ECD: variants seen among roughly 807,000 people sequenced by gnomAD.
ECD encodes the protein protein ecdysoneless homolog.
Under a neutral mutation model 77.2 loss-of-function variants are expected in ECD, and 59 were observed. The observed-to-expected ratio is 0.76, with a 90% CI of 0.62 to 0.95. The LOEUF is 0.95. Among genes scored for constraint, ECD ranks in the 40% least tolerant of loss-of-function variants. The pLI is 0.00. For synonymous variants in ECD, 233 were observed against 267.4 expected (o/e 0.87, Z 1.26); for missense variants, 704 against 763.4 (o/e 0.92, Z 0.92).
chr10:73,165,730 A>C (rs1280612011), intron 1 of ECD, among the ~76,000 whole-genome samples: 1 of 151,916 alleles, frequency 6.6e-6, no homozygotes, highest in East Asian at 1.9e-4. Context: ...GGTAAATGAG[A>C]TATCCATTGC....
In ECD at chr10:73,146,194, A is replaced by C. The variant is rs866618923; in HGVS notation, c.1127+82T>G. 70 of 674,434 alleles carry C rather than the reference A, an allele frequency of 1.0e-4. 2 individuals carry two copies. Among genetic ancestry groups the C allele is most frequent in the South Asian group, 9.4e-4 (21 of 22,402 alleles). The allele number at this position is 674,434 out of a possible 1,614,324, so 41.8% of individuals were successfully genotyped here. On this transcript the variant is annotated intron_variant, in intron 9 of 13. Coordinates refer to ENST00000372979, the MANE Select transcript of ECD (RefSeq NM_007265.3). ...CTCCGTCTCAAAAAAATAAATAAAT[A>C]AGAATAATAAATAATAAATAAAAAA...
intron 3 of ECD, among the ~76,000 whole-genome samples, chr10:73,160,147 G>A (rs1411633702): frequency 2.0e-5 from 3 of 151,442 alleles, no homozygotes; most frequent in Admixed American, 6.6e-5. Flanking sequence ...TTAGCCAGGC[G>A]TGGTGGTGCA....
At chr10:73,142,254 C>A (rs980385779) in intron 9 of ECD, among the ~76,000 whole-genome samples, 1 of 151,922 alleles carries the variant, frequency 6.6e-6, no homozygotes, top group Non-Finnish European at 1.5e-5. Context: ...GGTGATTCAC[C>A]CATCTCGGTC....
At chr10:73,153,273 T>C (rs1420999246) in intron 6 of ECD, among the ~76,000 whole-genome samples, 2 of 151,998 alleles carry the variant, frequency 1.3e-5, no homozygotes, top group Non-Finnish European at 2.9e-5. Context: ...TTTTTATTTT[T>C]TGTAGCGATG....
In ECD at chr10:73,148,276, C is replaced by T; in HGVS notation, c.1041G>A (p.Lys347=). Residue 347 remains lysine, a splice_region_variant and synonymous_variant, in exon 8 of 14, where the codon AAG becomes AAA. Coordinates refer to ENST00000372979, the MANE Select transcript of ECD (RefSeq NM_007265.3). ...LESLKKNDYF[K]GLIEGSAQYR... is the part of the protein sequence containing the mutation. Reference sequence around the variant, plus strand: ...AAAGCAAATATATTGCAAGTCCTACCTTAAAGTAATCATTCTTTTTCAGAC... The same window carrying T: ...AAAGCAAATATATTGCAAGTCCTACTTTAAAGTAATCATTCTTTTTCAGAC... 6.2e-7 allele frequency: 1 copy of T among 1,613,454 alleles called. No homozygotes were observed. Among genetic ancestry groups the T allele is most frequent in the Non-Finnish European group, 8.5e-7 (1 of 1,179,668 alleles).
At chr10:73,145,444 C>A (rs1049787299) in intron 9 of ECD, among the ~76,000 whole-genome samples, 7 of 151,686 alleles carry the variant, frequency 4.6e-5, no homozygotes, top group African/African-American at 1.2e-4. Context: ...TTTAAAAAAA[C>A]CACAAACTTT....
chr10:73,152,254 C>A (rs751615093), intron 7 of ECD, 39 bp downstream of exon 7: 2 of 1,600,998 alleles, frequency 1.2e-6, no homozygotes, highest in Admixed American at 3.4e-5. Context: ...AGTCCATTTA[C>A]ATAAAGAAAG....
intron 9 of ECD, among the ~76,000 whole-genome samples, chr10:73,141,738 A>G (rs191916054): frequency 6.6e-6 from 1 of 152,298 alleles, no homozygotes; most frequent in East Asian, 1.9e-4. Context: ...TCTCTCTCCT[A>G]GTAACGTTTA....
rs140377066 is a variant in ECD at position 73,144,283 on chromosome 10, T to A, written c.1127+1993A>T. 1.9e-3 allele frequency among the ~76,000 whole-genome samples: 283 copies of A among 152,314 alleles called. 3 individuals are homozygous for A. The highest frequency in any genetic ancestry group is 6.4e-3 in the African/African-American group (268 of 41,560). On this transcript the variant is annotated intron_variant, in intron 9 of 13. Transcript: ENST00000372979. ...TGATAAATTAGGGGAAAGTCTATGA[T>A]ATTATACGTAGGAGCTAAAAACAAT... is the stretch of plus-strand genomic sequence containing the variant.
At chr10:73,145,783 T>G (rs547451799) in intron 9 of ECD, among the ~76,000 whole-genome samples, 1 of 151,104 alleles carries the variant, frequency 6.6e-6, no homozygotes, top group South Asian at 2.1e-4. Flanking sequence ...TAGCTGGGAC[T>G]ACAGGCACGC....
Position 73,139,413 on chromosome 10 carries a change from A to G in ECD, c.1317T>C (p.Val439=), listed in dbSNP as rs376462298. 1.2e-5 allele frequency: 20 copies of G among 1,614,142 alleles called. No individual in the cohort carries two copies. Among genetic ancestry groups the G allele is most frequent in the South Asian group, 1.1e-4 (10 of 91,078 alleles). Reference sequence around the variant, plus strand: ...AGTTCTGCTCCTTCTCCTCCTTGGAAACAGACTCGGATTCTTTTTTGCCAA... The same window carrying G: ...AGTTCTGCTCCTTCTCCTCCTTGGAGACAGACTCGGATTCTTTTTTGCCAA... The part of the protein sequence containing the change: ...EAVGKKESES[V]SKEEKEQNYD... Residue 439 remains valine (V), a synonymous_variant, in exon 11 of 14, where the codon GTT becomes GTC. Coordinates refer to ENST00000372979, the MANE Select transcript of ECD (RefSeq NM_007265.3).
At position 73,134,391 on chromosome 10, in the gene ECD, C is replaced by T; in HGVS notation, c.*192G>A. 1 of 589,794 alleles carries T rather than the reference C, an allele frequency of 1.7e-6. No homozygotes were observed. 36.5% of individuals were successfully genotyped at this position (589,794 alleles called of 1,614,324 possible). A position where few individuals can be genotyped will look rare whatever the true frequency, so the allele number is the denominator to read the frequency against. ...AGATTCTACCCTGCCGAGTTCAAAA[C>T]CTGTGTATAACCCACAGCTGAGATC... On this transcript the variant is annotated 3_prime_UTR_variant, in exon 14 of 14. Coordinates refer to ENST00000372979, the MANE Select transcript of ECD (RefSeq NM_007265.3).
At chr10:73,158,824 G>T (rs1843336456) in intron 3 of ECD, among the ~76,000 whole-genome samples, 1 of 152,114 alleles carries the variant, frequency 6.6e-6, no homozygotes. Context: ...GATGGCTTGA[G>T]CCCAGGAGTT....
chr10:73,139,803 T>C (rs571084523), intron 9 of ECD, 66 bp from the exon 10 acceptor site: 10 of 1,139,782 alleles, frequency 8.8e-6, no homozygotes, highest in Middle Eastern at 2.1e-4. Flanking sequence ...CATAAATACA[T>C]AGTATTTTAA....
At chr10:73,152,150 T>C (rs1843218422) in intron 7 of ECD, 143 bp downstream of exon 7, 5 of 1,071,348 alleles carry the variant, frequency 4.7e-6, no homozygotes, top group East Asian at 2.8e-5. Context: ...AATCCATTTT[T>C]TTCATTCTAA....
intron 13 of ECD, among the ~76,000 whole-genome samples, chr10:73,136,502 C>T (rs912599034): frequency 2.0e-5 from 3 of 151,838 alleles, no homozygotes; most frequent in African/African-American, 7.3e-5. Flanking sequence ...TGATAGATAA[C>T]GTAGAATAAG....
intron 2 of ECD, among the ~76,000 whole-genome samples, chr10:73,162,602 C>T (rs1232500560): frequency 2.6e-5 from 4 of 152,082 alleles, no homozygotes; most frequent in East Asian, 3.9e-4. Flanking sequence ...ACGCACTAAA[C>T]TGAGAGTATC....
rs1270768443 is a variant in ECD at position 73,134,355 on chromosome 10, G to T, written c.*228C>A. The T allele has an allele frequency of 2.0e-6, 1 of 510,414 alleles. No individual in the cohort carries two copies. Among genetic ancestry groups the T allele is most frequent in the Non-Finnish European group, 3.5e-6 (1 of 285,876 alleles). 31.6% of individuals were successfully genotyped at this position (510,414 alleles called of 1,614,324 possible). On this transcript the variant is annotated 3_prime_UTR_variant, in exon 14 of 14. Coordinates refer to ENST00000372979, the MANE Select transcript of ECD (RefSeq NM_007265.3). ...AGTGTGTGAATTTCATCTCAAGGTT[G>T]TCTAGGGGCTAGATTCTACCCTGCC...
chr10:73,141,339 T>TAA (rs749192454), intron 9 of ECD: 6,704 of 94,934 alleles, frequency 0.071, 757 homozygotes, highest in African/African-American at 0.25. Flanking sequence ...CCGTCTCTAC[T>TAA]AAAAAAAAAA....
Sources: allele counts gnomAD v4.1 joint callset (sites outside exome capture counted in the v4.1 genomes callset), GRCh38; gene constraint gnomAD v4.1.1; transcripts MANE v1.5; gene names NCBI Gene and HGNC (gene_info 2026-07-23, HGNC 2026-07-21).